SCN9A: variants seen among roughly 807,000 people sequenced by gnomAD.
SCN9A encodes the protein sodium channel protein type 9 subunit alpha.
SCN9A carries 131 observed loss-of-function variants against 187.0 expected under a neutral mutation model. That is an observed-to-expected ratio of 0.70 (90% CI 0.61 to 0.81). The LOEUF is 0.81. Ranked by LOEUF, SCN9A falls within the 30% of genes least tolerant of loss-of-function variation. The probability of loss-of-function intolerance (pLI) is 0.00; values close to 1 mark genes in which losing one functional copy is unlikely to be tolerated. For synonymous variants in SCN9A, 809 were observed against 808.6 expected (o/e 1.00, Z -0.01); for missense variants, 2,252 against 2,396.6 (o/e 0.94, Z 1.26).
chr2:166,242,745 T>C (rs1695624947), intron 18 of SCN9A, 89 bp from the exon 19 acceptor site: 3 of 967,726 alleles, frequency 3.1e-6, no homozygotes, highest in Non-Finnish European at 4.5e-6. Context: ...CTTTCTGTGA[T>C]ACTCCCTCAA....
At position 166,284,391 on chromosome 2, in the gene SCN9A, A is replaced by G. The variant is rs1228608892; in HGVS notation, c.1974+62T>C. ...AAGACCAGAGAAGGCCCTTCAGCAGAGAGACTGACTGATGCAGGAACAAGG... is the reference window on the plus strand; with the variant it reads ...AAGACCAGAGAAGGCCCTTCAGCAGGGAGACTGACTGATGCAGGAACAAGG... On this transcript the variant is annotated intron_variant, in intron 12 of 26. Transcript: ENST00000642356. The G allele has an allele frequency of 3.8e-5, 58 of 1,542,532 alleles. No individual in the cohort carries two copies. The East Asian group carries it at 1.2e-3, about 31-fold the overall frequency.
chr2:166,231,551 T>C (rs2106391918), intron 21 of SCN9A, among the ~76,000 whole-genome samples: 1 of 144,496 alleles, frequency 6.9e-6, no homozygotes, highest in South Asian at 2.3e-4. Flanking sequence ...GAATTTGCTT[T>C]TTTTTTTTTT....
At chr2:166,264,277 A>G (rs751941482) in intron 17 of SCN9A, among the ~76,000 whole-genome samples, 2 of 151,968 alleles carry the variant, frequency 1.3e-5, no homozygotes, top group Admixed American at 6.6e-5. Flanking sequence ...CTTCACTGCC[A>G]GTGGTAAAAA....
chr2:166,288,668 T>C, intron 9 of SCN9A, 25 bp from the exon 10 acceptor site: 1 of 1,503,568 alleles, frequency 6.7e-7, no homozygotes, highest in Non-Finnish European at 8.9e-7. Flanking sequence ...AAATTGTCAT[T>C]TGAACAATAA....
intron 1 of SCN9A, among the ~76,000 whole-genome samples, chr2:166,338,386 G>A (rs1488877056): frequency 1.3e-5 from 2 of 151,860 alleles, no homozygotes; most frequent in African/African-American, 4.8e-5. Context: ...AATTATACAA[G>A]ATATTACTAT....
In SCN9A at chr2:166,284,615, T is replaced by C; in HGVS notation, c.1812A>G (p.Gln604=). The change falls in exon 12 of 27, where the codon CAA becomes CAG. Residue 604 remains glutamine (Q), a synonymous_variant. Transcript: ENST00000642356. The part of the protein sequence containing the change: ...PQERRSSNIS[Q]ASRSPPMLPV... ...GCAGCATTGGTGGGGACCTACTGGCTTGGCTGATGTTACTGCTGCGTCGCT... is the reference window on the plus strand; with the variant it reads ...GCAGCATTGGTGGGGACCTACTGGCCTGGCTGATGTTACTGCTGCGTCGCT... The C allele has an allele frequency of 1.2e-6, 2 of 1,614,028 alleles. No homozygotes were observed. Among genetic ancestry groups the C allele is most frequent in the Non-Finnish European group, 1.7e-6 (2 of 1,179,912 alleles).
chr2:166,212,226 TA>T, intron 24 of SCN9A, among the ~76,000 whole-genome samples: 2 of 152,270 alleles, frequency 1.3e-5, no homozygotes, highest in Middle Eastern at 3.4e-3. Context: ...GACCTGTGGA[TA>T]AAAAAATTTG....
chr2:166,290,843 C>T (rs145989298), intron 9 of SCN9A, among the ~76,000 whole-genome samples: 171 of 152,234 alleles, frequency 1.1e-3, no homozygotes, highest in Middle Eastern at 0.01. Flanking sequence ...ATGATTATCT[C>T]AATAGATGCA....
Position 166,228,815 on chromosome 2 carries a change from G to C in SCN9A, c.4082C>G (p.Ala1361Gly). The change falls in exon 22 of 27, where the codon GCA becomes GGA. Residue 1361 changes from alanine (A) to glycine (G), a missense_variant. Ala to Gly is a moderately conservative substitution (Grantham distance 60, BLOSUM62 0). Coordinates refer to ENST00000642356, the MANE Select transcript of SCN9A (RefSeq NM_001365536.1). ...TTCGGAACGATTTGGAACTTGACTT[G>C]CAGGAAACCGTGACCCATCTGTGGT... ...INTTDGSRFP[A>G]SQVPNRSECF... is the part of the protein sequence containing the mutation. 6.2e-7 allele frequency: 1 copy of C among 1,613,850 alleles called. No homozygotes were observed. Among genetic ancestry groups the C allele is most frequent in the South Asian group, 1.1e-5 (1 of 91,076 alleles).
rs1401512450 is a variant in SCN9A at position 166,272,552 on chromosome 2, C to T, written c.3198G>A (p.Val1066=). The change falls in exon 17 of 27, where the codon GTG becomes GTA. Residue 1066 remains valine (V), a synonymous_variant. Transcript: ENST00000642356. The part of the protein sequence containing the change: ...KDKISGFGSS[V]DKHLMEDSDG... ...CACTGTCTTCCATCAAGTGTTTGTCCACGCTGCTTCCAAAACCACTGATTT... is the reference window on the plus strand; with the variant it reads ...CACTGTCTTCCATCAAGTGTTTGTCTACGCTGCTTCCAAAACCACTGATTT... The T allele has an allele frequency of 6.2e-7, 1 of 1,613,218 alleles. No homozygotes were observed. The highest frequency in any genetic ancestry group is 8.5e-7 in the Non-Finnish European group (1 of 1,179,696).
At chr2:166,213,011 G>C (rs1030624489) in intron 24 of SCN9A, among the ~76,000 whole-genome samples, 4 of 151,948 alleles carry the variant, frequency 2.6e-5, no homozygotes, top group African/African-American at 9.7e-5. Context: ...ATCTTATTGA[G>C]ATACATGTCT....
chr2:166,228,781 G>A lies in SCN9A; in HGVS notation c.4116C>T (p.Ala1372=), dbSNP rs1397855357. Residue 1372 remains alanine, a synonymous_variant, in exon 22 of 27, where the codon GCC becomes GCT. Transcript: ENST00000642356. Reference sequence around the variant, plus strand: ...GCACATTTTGACTAACATTCATAAGGGCAAAACATTCGGAACGATTTGGAA... The same window carrying A: ...GCACATTTTGACTAACATTCATAAGAGCAAAACATTCGGAACGATTTGGAA... ...SQVPNRSECF[A]LMNVSQNVRW... The A allele has an allele frequency of 6.2e-7, 1 of 1,613,644 alleles. No individual in the cohort carries two copies. The highest frequency in any genetic ancestry group is 8.5e-7 in the Non-Finnish European group (1 of 1,179,822).
chr2:166,306,208 A>G (rs757786023), intron 4 of SCN9A, among the ~76,000 whole-genome samples: 1 of 152,166 alleles, frequency 6.6e-6, no homozygotes, highest in Non-Finnish European at 1.5e-5. Flanking sequence ...TCACCCAATC[A>G]TTTAAAAATA....
At chr2:166,246,898 C>T (rs1035349096) in intron 18 of SCN9A, among the ~76,000 whole-genome samples, 3 of 151,856 alleles carry the variant, frequency 2.0e-5, no homozygotes, top group Non-Finnish European at 4.4e-5. Context: ...TATTTTGAGG[C>T]AAGAGTGATG....
intron 1 of SCN9A, among the ~76,000 whole-genome samples, chr2:166,333,856 G>A (rs537094901): frequency 4.6e-5 from 7 of 151,902 alleles, no homozygotes; most frequent in South Asian, 4.2e-4. Context: ...ACTTCAATAC[G>A]GACTTTTTCC....
intron 1 of SCN9A, among the ~76,000 whole-genome samples, chr2:166,343,625 G>A (rs1030408406): frequency 2.6e-5 from 4 of 152,062 alleles, no homozygotes; most frequent in Non-Finnish European, 5.9e-5. Context: ...AAGGCCAGGT[G>A]TGATGGCTCA....
chr2:166,303,310 T>C lies in SCN9A; in HGVS notation c.689-8A>G. The C allele has an allele frequency of 6.2e-7, 1 of 1,606,154 alleles. No individual in the cohort carries two copies. Among genetic ancestry groups the C allele is most frequent in the Non-Finnish European group, 8.5e-7 (1 of 1,177,452 alleles). On this transcript the variant is annotated splice_polypyrimidine_tract_variant and splice_region_variant and intron_variant, in intron 6 of 26. Coordinates refer to ENST00000642356, the MANE Select transcript of SCN9A (RefSeq NM_001365536.1). ...CTACAATTGTCTTCAGGCCTGAAAA[T>C]GGGAGAAAAAAGTGTTTGTAATGAC...
Position 166,293,133 on chromosome 2 carries a change from T to C in SCN9A, c.1107+98A>G, listed in dbSNP as rs1257625196. 3 of 1,076,010 alleles carry C rather than the reference T, an allele frequency of 2.8e-6. No individual in the cohort carries two copies. In the African/African-American group the frequency reaches 4.8e-5, roughly 17 times the overall value. 66.7% of individuals were successfully genotyped at this position (1,076,010 alleles called of 1,614,324 possible). On this transcript the variant is annotated intron_variant, in intron 9 of 26. Transcript: ENST00000642356. ...TAATAAGATAATAGAGTTTCCTCCA[T>C]TCTCAAATAAATAAAAAACCTCCTA...
At chr2:166,235,990 A>G (rs1695301231) in intron 20 of SCN9A, among the ~76,000 whole-genome samples, 1 of 152,056 alleles carries the variant, frequency 6.6e-6, no homozygotes, top group Admixed American at 6.5e-5. Flanking sequence ...CATTTCTTAC[A>G]CTGAATGATG....
Sources: allele counts gnomAD v4.1 joint callset (sites outside exome capture counted in the v4.1 genomes callset), GRCh38; gene constraint gnomAD v4.1.1; transcripts MANE v1.5; gene names NCBI Gene and HGNC (gene_info 2026-07-23, HGNC 2026-07-21).